Variants in ADAMTSL1 observed in about 807,000 individuals in gnomAD.
ADAMTSL1 encodes ADAMTS like 1, also known as ADAMTS-like protein 1.
A neutral mutation model predicts 201.8 loss-of-function variants in ADAMTSL1; 126 were observed. The observed-to-expected ratio is 0.62, with a 90% CI of 0.54 to 0.72. The LOEUF is 0.72. Ranked by LOEUF, ADAMTSL1 falls within the 30% of genes least tolerant of loss-of-function variation. The pLI, the probability that ADAMTSL1 is intolerant of heterozygous loss-of-function variation, is 0.00. For missense variants in ADAMTSL1, 2,679 were observed against 2,277.8 expected (o/e 1.18, Z -3.59); for synonymous variants, 1,121 against 903.4 (o/e 1.24, Z -4.32).
chr9:18,585,469 C>T (rs978246832), intron 4 of ADAMTSL1, among the ~76,000 whole-genome samples: 6 of 151,860 alleles, frequency 4.0e-5, no homozygotes, highest in African/African-American at 1.5e-4. Flanking sequence ...GCTTCTTCTG[C>T]CAATTCTGTG....
intron 1 of ADAMTSL1, among the ~76,000 whole-genome samples, chr9:18,011,910 T>A (rs1226360723): frequency 6.6e-6 from 1 of 151,776 alleles, no homozygotes; most frequent in Non-Finnish European, 1.5e-5. Context: ...TCGAAGAGAG[T>A]TGCCGGTATG....
At chr9:18,502,000 G>C (rs185007569) in intron 1 of ADAMTSL1, among the ~76,000 whole-genome samples, 1 of 152,172 alleles carries the variant, frequency 6.6e-6, no homozygotes, top group South Asian at 2.1e-4. Context: ...TTAGCACAGA[G>C]TTTGAAACAA....
At chr9:18,035,650 A>C (rs977682464) in intron 1 of ADAMTSL1, among the ~76,000 whole-genome samples, 1 of 152,048 alleles carries the variant, frequency 6.6e-6, no homozygotes, top group African/African-American at 2.4e-5. Flanking sequence ...TGCCCTGCTC[A>C]AGTTTTTCCT....
intron 2 of ADAMTSL1, among the ~76,000 whole-genome samples, chr9:18,375,819 T>G (rs943837894): frequency 2.6e-5 from 4 of 152,204 alleles, no homozygotes; most frequent in African/African-American, 7.2e-5. Flanking sequence ...TCCTGCCGAT[T>G]GGCCCATTTT....
At chr9:18,140,741 A>G (rs778961942) in intron 1 of ADAMTSL1, among the ~76,000 whole-genome samples, 2 of 152,158 alleles carry the variant, frequency 1.3e-5, no homozygotes, top group African/African-American at 2.4e-5. Flanking sequence ...CCAAGGACCA[A>G]CCTAGTGAGC....
At chr9:18,561,592 T>C (rs1821499848) in intron 3 of ADAMTSL1, among the ~76,000 whole-genome samples, 3 of 152,192 alleles carry the variant, frequency 2.0e-5, no homozygotes, top group Non-Finnish European at 4.4e-5. Context: ...TTGTTAATTT[T>C]CTGTCTTGTT....
chr9:18,178,269 G>T (rs1181301543), intron 2 of ADAMTSL1, among the ~76,000 whole-genome samples: 1 of 151,892 alleles, frequency 6.6e-6, no homozygotes, highest in East Asian at 1.9e-4. Context: ...GGTGACAGAC[G>T]GCACCTGGAA....
At chr9:18,676,110 C>G (rs1014773535) in intron 10 of ADAMTSL1, among the ~76,000 whole-genome samples, 2 of 152,026 alleles carry the variant, frequency 1.3e-5, no homozygotes, top group African/African-American at 4.8e-5. Context: ...TCAAAAACCA[C>G]TTTAAGGTAG....
rs192345621 is a variant in ADAMTSL1 at position 18,003,436 on chromosome 9, C to T, written c.87+96514C>T. On this transcript the variant is annotated intron_variant, in intron 1 of 29. Transcript: ENST00000680146. ...TGAATGTGGTGAAAGGAATCTCTCC[C>T]GGCCAGTTCCAATGATGCTGCACAT... Among the ~76,000 whole-genome samples, 520 of 152,192 alleles carry T rather than the reference C, an allele frequency of 3.4e-3. 1 individual carries two copies. Among genetic ancestry groups the T allele is most frequent in the Non-Finnish European group, 4.8e-3 (329 of 67,966 alleles).
intron 2 of ADAMTSL1, among the ~76,000 whole-genome samples, chr9:18,314,378 G>T (rs1413684058): frequency 6.6e-6 from 1 of 152,154 alleles, no homozygotes; most frequent in Admixed American, 6.5e-5. Flanking sequence ...TGCAGTGAGT[G>T]TTACAGTTCT....
At chr9:18,345,155 A>C (rs776746156) in intron 2 of ADAMTSL1, among the ~76,000 whole-genome samples, 33 of 152,158 alleles carry the variant, frequency 2.2e-4, no homozygotes, top group Non-Finnish European at 3.5e-4. Context: ...TCTGTCAAGC[A>C]TATCCATAAG....
At chr9:18,731,452 G>A (rs1465466204) in intron 15 of ADAMTSL1, among the ~76,000 whole-genome samples, 1 of 151,798 alleles carries the variant, frequency 6.6e-6, no homozygotes, top group Non-Finnish European at 1.5e-5. Context: ...ACAACATTGT[G>A]AAACCCTGTC....
At chr9:18,647,458 A>T (rs1324116648) in intron 7 of ADAMTSL1, among the ~76,000 whole-genome samples, 2 of 151,414 alleles carry the variant, frequency 1.3e-5, no homozygotes, top group Non-Finnish European at 2.9e-5. Flanking sequence ...TTGCTTTTCT[A>T]GTTCTTTTAA....
intron 2 of ADAMTSL1, among the ~76,000 whole-genome samples, chr9:18,212,273 G>A (rs189572103): frequency 8.5e-5 from 13 of 152,260 alleles, no homozygotes; most frequent in Admixed American, 7.2e-4. Flanking sequence ...TGTGGTAGGA[G>A]GAAGATTGAC....
At chr9:18,036,664 A>T (rs796986735) in intron 1 of ADAMTSL1, among the ~76,000 whole-genome samples, 1 of 152,274 alleles carries the variant, frequency 6.6e-6, no homozygotes, top group African/African-American at 2.4e-5. Context: ...GAAGCAAAGA[A>T]AATAGGCTTA....
intron 22 of ADAMTSL1, among the ~76,000 whole-genome samples, chr9:18,828,057 AG>A (rs1824695170): frequency 6.6e-6 from 1 of 152,358 alleles, no homozygotes; most frequent in African/African-American, 2.4e-5. Context: ...CTGTACTATG[AG>A]GACTTGAAAT....
chr9:18,604,826 G>C (rs1353872381), intron 4 of ADAMTSL1, among the ~76,000 whole-genome samples: 5 of 152,074 alleles, frequency 3.3e-5, no homozygotes, highest in Admixed American at 3.3e-4. Flanking sequence ...ATTTTTTTAG[G>C]AACAGCCATA....
At chr9:18,389,759 T>C (rs755626189) in intron 2 of ADAMTSL1, among the ~76,000 whole-genome samples, 1 of 146,218 alleles carries the variant, frequency 6.8e-6, no homozygotes, top group Non-Finnish European at 1.5e-5. Flanking sequence ...GCCATCATAT[T>C]ATTGTTGGAA....
intron 1 of ADAMTSL1, among the ~76,000 whole-genome samples, chr9:18,043,922 G>C (rs775433871): frequency 6.8e-6 from 1 of 148,148 alleles, no homozygotes; most frequent in Non-Finnish European, 1.5e-5. Context: ...TCATTTTTTG[G>C]TCCCTTGTAA....
Sources: allele counts gnomAD v4.1 joint callset (sites outside exome capture counted in the v4.1 genomes callset), GRCh38; gene constraint gnomAD v4.1.1; transcripts MANE v1.5; gene names NCBI Gene and HGNC (gene_info 2026-07-23, HGNC 2026-07-21).